Variants in AOPEP observed in about 807,000 individuals in gnomAD.
AOPEP encodes the protein aminopeptidase O (putative).
A neutral mutation model predicts 98.1 loss-of-function variants in AOPEP; 77 were observed. The ratio of observed to expected loss-of-function variants is 0.78; its 90% CI spans 0.65 to 0.95. The LOEUF is 0.95. Ranked by LOEUF, AOPEP falls within the 40% of genes least tolerant of loss-of-function variation. The pLI, the probability that AOPEP is intolerant of heterozygous loss-of-function variation, is 0.00. For missense variants in AOPEP, 1,024 were observed against 1,024.7 expected (o/e 1.00, Z 0.01); for synonymous variants, 346 against 365.3 (o/e 0.95, Z 0.60).
At chr9:95,138,910 G>C in the AOPEP span, among the ~76,000 whole-genome samples, 1 of 152,214 alleles carries the variant, frequency 6.6e-6, no homozygotes, top group African/African-American at 2.4e-5. Flanking sequence ...CTTTTTATTA[G>C]AGCCTTGATT....
Position 94,850,821 on chromosome 9 carries a change from G to A in AOPEP, c.1364+49819G>A, listed in dbSNP as rs142143545. Among the ~76,000 whole-genome samples, 402 of 152,328 alleles carry A rather than the reference G, an allele frequency of 2.6e-3. 2 individuals are homozygous for A. Among genetic ancestry groups the A allele is most frequent in the Admixed American group, 5.0e-3 (76 of 15,310 alleles). The stretch of plus-strand genomic sequence containing the variant: ...CTGGTTCATCTAAGCTGATCATGGT[G>A]TTGCATTTCTCCTTGCCAAAGATTG... On this transcript the variant is annotated intron_variant, in intron 5 of 16. Transcript: ENST00000375315.
At chr9:94,987,991 G>A (rs2060629395) in intron 11 of AOPEP, among the ~76,000 whole-genome samples, 1 of 152,088 alleles carries the variant, frequency 6.6e-6, no homozygotes, top group African/African-American at 2.4e-5. Flanking sequence ...CAGCTCCCCG[G>A]GTAAAAAGCC....
the AOPEP span, chr9:95,101,873 G>C: frequency 2.5e-4 from 401 of 1,613,544 alleles, no homozygotes; most frequent in Non-Finnish European, 3.1e-4. Context: ...CAGAAGAGAA[G>C]GCAAATTAAA....
At chr9:94,769,030 G>A (rs1233011052) in intron 2 of AOPEP, among the ~76,000 whole-genome samples, 1 of 152,194 alleles carries the variant, frequency 6.6e-6, no homozygotes, top group African/African-American at 2.4e-5. Flanking sequence ...CTGTGGAGGG[G>A]AAGGCATGGA....
rs973214512 is a variant in AOPEP, at chr9:95,006,757, C to T, written c.2115+1141C>T. On this transcript the variant is annotated intron_variant, in intron 13 of 16. Transcript: ENST00000375315. ...AGACTTGAGTTTTCTGACCATACCTCAGCATGGTATGGTAAGTTGTGTTTA... is the reference window on the plus strand; with the variant it reads ...AGACTTGAGTTTTCTGACCATACCTTAGCATGGTATGGTAAGTTGTGTTTA... Among the ~76,000 whole-genome samples the T allele has an allele frequency of 7.9e-5, 12 of 151,976 alleles. No homozygotes were observed. The South Asian group carries it at 2.1e-3, about 26-fold the overall frequency.
chr9:95,095,346 T>C, the AOPEP span, among the ~76,000 whole-genome samples: 3 of 152,198 alleles, frequency 2.0e-5, no homozygotes, highest in Non-Finnish European at 4.4e-5. Context: ...GCCGTGGAGA[T>C]GGTTGGGAGC....
At chr9:94,908,119 G>A (rs1370720765) in intron 5 of AOPEP, among the ~76,000 whole-genome samples, 1 of 152,186 alleles carries the variant, frequency 6.6e-6, no homozygotes, top group Non-Finnish European at 1.5e-5. Flanking sequence ...GAACAGAGAA[G>A]CCTAATGTTT....
At chr9:94,758,034 T>G (rs943908091) in intron 1 of AOPEP, among the ~76,000 whole-genome samples, 5 of 152,248 alleles carry the variant, frequency 3.3e-5, no homozygotes, top group African/African-American at 1.2e-4. Context: ...CTTTGCAACC[T>G]TGTTTCTCTC....
intron 5 of AOPEP, among the ~76,000 whole-genome samples, chr9:94,852,661 G>T (rs1407221914): frequency 1.3e-5 from 2 of 152,242 alleles, no homozygotes; most frequent in African/African-American, 4.8e-5. Context: ...AAGTCAGTTA[G>T]GTGATCTGCA....
chr9:94,866,056 C>T (rs1476956976), intron 5 of AOPEP, among the ~76,000 whole-genome samples: 1 of 152,126 alleles, frequency 6.6e-6, no homozygotes, highest in African/African-American at 2.4e-5. Flanking sequence ...AGAAATTCTC[C>T]GAACACAAAA....
chr9:94,760,714 T>G, intron 2 of AOPEP, 134 bp downstream of exon 2: 2 of 665,692 alleles, frequency 3.0e-6, no homozygotes, highest in Non-Finnish European at 4.7e-6. Flanking sequence ...CCTCAAATCC[T>G]TAGACCTACA....
chr9:94,814,302 G>A (rs1187456205), intron 5 of AOPEP, among the ~76,000 whole-genome samples: 1 of 152,214 alleles, frequency 6.6e-6, no homozygotes, highest in Non-Finnish European at 1.5e-5. Context: ...ATTTGTGGCA[G>A]TCCCACCTTT....
At chr9:95,077,986 T>C (rs1255296071) in intron 14 of AOPEP, among the ~76,000 whole-genome samples, 1 of 152,186 alleles carries the variant, frequency 6.6e-6, no homozygotes, top group Non-Finnish European at 1.5e-5. Context: ...CGCCGAAATA[T>C]TGACATACAC....
intron 1 of AOPEP, among the ~76,000 whole-genome samples, chr9:94,736,350 CTTGT>C (rs1032050720): frequency 1.3e-4 from 19 of 149,492 alleles, no homozygotes; most frequent in Non-Finnish European, 2.6e-4. Context: ...TTTTACATGA[CTTGT>C]TTAAGGACTA....
intron 13 of AOPEP, among the ~76,000 whole-genome samples, chr9:95,058,942 G>A (rs959471815): frequency 1.3e-5 from 2 of 152,222 alleles, no homozygotes; most frequent in Admixed American, 6.5e-5. Context: ...GGGAGAAAGA[G>A]AACCAGTCTC....
intron 4 of AOPEP, among the ~76,000 whole-genome samples, chr9:94,793,550 G>A (rs930184359): frequency 1.1e-4 from 16 of 151,830 alleles, no homozygotes; most frequent in African/African-American, 3.6e-4. Context: ...GGTGGCGGAT[G>A]CCTGTAATCC....
At chr9:94,782,735 C>T (rs1419904687) in intron 3 of AOPEP, among the ~76,000 whole-genome samples, 4 of 152,228 alleles carry the variant, frequency 2.6e-5, no homozygotes, top group African/African-American at 9.6e-5. Context: ...CACGCCAGTA[C>T]ACATACATTC....
At chr9:94,755,344 CA>C (rs2132330013) in intron 1 of AOPEP, among the ~76,000 whole-genome samples, 1 of 152,296 alleles carries the variant, frequency 6.6e-6, no homozygotes, top group East Asian at 1.9e-4. Context: ...CATGCATTTG[CA>C]ACCACAGGCA....
At chr9:95,116,408 T>A in the AOPEP span, among the ~76,000 whole-genome samples, 2 of 152,188 alleles carry the variant, frequency 1.3e-5, no homozygotes, top group Non-Finnish European at 2.9e-5. Context: ...AACCTACATC[T>A]TCTCGAAAAA....
Sources: allele counts gnomAD v4.1 joint callset (sites outside exome capture counted in the v4.1 genomes callset), GRCh38; gene constraint gnomAD v4.1.1; transcripts MANE v1.5; gene names NCBI Gene and HGNC (gene_info 2026-07-23, HGNC 2026-07-21).